The following MTNAP1 variants were observed in gnomAD, a reference collection of about 807,000 sequenced individuals.
MTNAP1 encodes the protein mitochondrial nucleoid associated protein 1.
the MTNAP1 span, chr17:73,236,580 T>C: frequency 6.2e-7 from 1 of 1,614,244 alleles, no homozygotes; most frequent in Non-Finnish European, 8.5e-7. Context: ...ACCAGTTTCA[T>C]TCTGTATCGC....
At chr17:73,234,905 C>T in the MTNAP1 span, among the ~76,000 whole-genome samples, 1 of 151,544 alleles carries the variant, frequency 6.6e-6, no homozygotes, top group African/African-American at 2.4e-5. Context: ...CTTTGGAAAC[C>T]TCTGCTGTAA....
the MTNAP1 span, chr17:73,242,368 A>T: frequency 1.5e-4 from 225 of 1,507,184 alleles, no homozygotes; most frequent in African/African-American, 2.8e-3. Flanking sequence ...CTGGAGTTTG[A>T]CTGTTGTCTT....
At chr17:73,247,512 G>A in the MTNAP1 span, 2 of 593,406 alleles carry the variant, frequency 3.4e-6, no homozygotes, top group African/African-American at 1.9e-5. Flanking sequence ...AAATAAAGTA[G>A]TATCACTTGT....
the MTNAP1 span, chr17:73,243,017 T>C: frequency 1.3e-6 from 2 of 1,597,330 alleles, no homozygotes; most frequent in South Asian, 1.1e-5. Flanking sequence ...AGTCTTTCTA[T>C]ATTTCTAGCC....
chr17:73,248,756 G>A, the MTNAP1 span: 9 of 510,552 alleles, frequency 1.8e-5, no homozygotes, highest in African/African-American at 9.7e-5. Context: ...GATTAACCTC[G>A]GGGCGGCCTT....
the MTNAP1 span, among the ~76,000 whole-genome samples, chr17:73,239,272 C>G: frequency 2.6e-5 from 4 of 152,036 alleles, no homozygotes; most frequent in African/African-American, 7.2e-5. Flanking sequence ...CACACTCCCC[C>G]CATGATAAAT....
chr17:73,235,906 G>C, the MTNAP1 span: 123 of 1,614,114 alleles, frequency 7.6e-5, no homozygotes, highest in Non-Finnish European at 9.1e-5. Context: ...TCAGTTTTAC[G>C]CATCAGAGAA....
chr17:73,236,921 G>A, the MTNAP1 span: 1 of 1,613,518 alleles, frequency 6.2e-7, no homozygotes. Flanking sequence ...GTGTTGCCAG[G>A]GAAGCCTCAG....
At chr17:73,236,283 TACTG>T in the MTNAP1 span, 4 of 1,614,048 alleles carry the variant, frequency 2.5e-6, no homozygotes, top group Non-Finnish European at 2.5e-6. Context: ...ATGTTACAGT[TACTG>T]AGACTCCAGA....
chr17:73,242,330 C>T, the MTNAP1 span: 3 of 1,595,002 alleles, frequency 1.9e-6, no homozygotes, highest in African/African-American at 2.7e-5. Flanking sequence ...TCTAATGAGG[C>T]TCTTGGGAGC....
At chr17:73,243,229 A>G in the MTNAP1 span, 1 of 520,634 alleles carries the variant, frequency 1.9e-6, no homozygotes, top group Non-Finnish European at 3.5e-6. Flanking sequence ...ATCTCAGCTC[A>G]CTGCAACCTC....
chr17:73,242,198 G>C, the MTNAP1 span: 1 of 1,284,738 alleles, frequency 7.8e-7, no homozygotes. Flanking sequence ...AGGGAAGGGG[G>C]TACGTTTCGG....
chr17:73,235,540 C>T, the MTNAP1 span: 6 of 1,613,860 alleles, frequency 3.7e-6, no homozygotes, highest in Non-Finnish European at 5.1e-6. Flanking sequence ...GCCATTTAAA[C>T]GATTAAAATC....
At chr17:73,245,064 T>TA in the MTNAP1 span, 1 of 1,120,676 alleles carries the variant, frequency 8.9e-7, no homozygotes, top group Admixed American at 2.2e-5. Context: ...ACTCTATTTC[T>TA]AAACTTATAA....
the MTNAP1 span, chr17:73,243,215 C>G: frequency 5.9e-5 from 33 of 557,218 alleles, no homozygotes; most frequent in East Asian, 5.1e-4. Flanking sequence ...AGTGCAATGG[C>G]ACGATCTCAG....
At chr17:73,235,927 A>G in the MTNAP1 span, 41 of 1,614,202 alleles carry the variant, frequency 2.5e-5, no homozygotes, top group East Asian at 1.6e-4. Context: ...AACCTCTCCT[A>G]AAAGAGAACT....
the MTNAP1 span, among the ~76,000 whole-genome samples, chr17:73,238,921 C>CTCTGTGTG: frequency 5.3e-5 from 8 of 150,860 alleles, no homozygotes; most frequent in African/African-American, 1.9e-4. Context: ...CCATACTTTT[C>CTCTGTGTG]TGTGTGTGTG....
chr17:73,248,218 A>G, the MTNAP1 span: 2 of 431,792 alleles, frequency 4.6e-6, no homozygotes, highest in Non-Finnish European at 8.4e-6. Context: ...TCACCAGATT[A>G]AAAGCTTCAT....
chr17:73,236,978 G>C, the MTNAP1 span: 3 of 1,576,328 alleles, frequency 1.9e-6, no homozygotes, highest in South Asian at 2.3e-5. Context: ...AGTCCCCAGG[G>C]GGAAAGACTC....
Sources: allele counts gnomAD v4.1 joint callset (sites outside exome capture counted in the v4.1 genomes callset), GRCh38; gene constraint gnomAD v4.1.1; transcripts MANE v1.5; gene names NCBI Gene and HGNC (gene_info 2026-07-23, HGNC 2026-07-21).